Variants in ROCK1 observed in about 807,000 individuals in gnomAD.
The protein encoded by ROCK1 is rho-associated protein kinase 1.
In ROCK1, 36 loss-of-function variants were observed where a neutral mutation model predicts 196.8. That is an observed-to-expected ratio of 0.18 (90% CI 0.14 to 0.24). The LOEUF is 0.24. ROCK1 is among the 10% of genes least tolerant of loss of function. The pLI, the probability that ROCK1 is intolerant of heterozygous loss-of-function variation, is 1.00. For synonymous variants in ROCK1, 443 were observed against 515.9 expected, an observed-to-expected ratio of 0.86 and a Z score of 1.91; for missense variants, 920 against 1,562.0, an observed-to-expected ratio of 0.59 and a Z score of 6.93.
At chr18:21,020,555 T>A (rs1197724370) in intron 11 of ROCK1, among the ~76,000 whole-genome samples, 1 of 152,092 alleles carries the variant, frequency 6.6e-6, no homozygotes, top group Non-Finnish European at 1.5e-5. Flanking sequence ...ACACAAAATA[T>A]TACAATAGAC....
rs1486773204 is a variant in ROCK1 at position 20,969,193 on chromosome 18, T to C, written c.2836A>G (p.Ser946Gly). The C allele has an allele frequency of 2.5e-6, 4 of 1,599,748 alleles. No homozygotes were observed. The highest frequency in any genetic ancestry group is 3.4e-6 in the Non-Finnish European group (4 of 1,175,368). Residue 946 changes from serine (S) to glycine (G), a missense_variant, in exon 24 of 33, where the codon AGC becomes GGC. By Grantham distance (56) the Ser-to-Gly change is moderately conservative (BLOSUM62 0). Coordinates refer to ENST00000399799, the MANE Select transcript of ROCK1 (RefSeq NM_005406.3). ...ATTTCAATATCTTTGGTTAGCATGCTGTTTGCTTCTTCAAGCTAAACAAAG... is the reference window on the plus strand; with the variant it reads ...ATTTCAATATCTTTGGTTAGCATGCCGTTTGCTTCTTCAAGCTAAACAAAG... ...HTVSRLEEANSMLTKDIEILR... is the reference protein window; with the variant it reads ...HTVSRLEEANGMLTKDIEILR...
intron 1 of ROCK1, among the ~76,000 whole-genome samples, chr18:21,108,010 G>A (rs1402310134): frequency 1.3e-5 from 2 of 151,702 alleles, no homozygotes; most frequent in African/African-American, 2.4e-5. Flanking sequence ...AGCCAAGATC[G>A]CGCCACTGCA....
chr18:20,952,456 A>G (rs1379251121), intron 32 of ROCK1, among the ~76,000 whole-genome samples: 1 of 151,806 alleles, frequency 6.6e-6, no homozygotes, highest in Non-Finnish European at 1.5e-5. Flanking sequence ...CATGGCATAA[A>G]ACATATTTTT....
chr18:21,014,952 T>C (rs750797087), intron 13 of ROCK1, among the ~76,000 whole-genome samples: 1 of 152,240 alleles, frequency 6.6e-6, no homozygotes, highest in Non-Finnish European at 1.5e-5. Context: ...TTGTTATTGT[T>C]TCTCTGATAA....
intron 2 of ROCK1, among the ~76,000 whole-genome samples, chr18:21,068,096 T>C (rs1568400495): frequency 6.6e-6 from 1 of 152,258 alleles, no homozygotes; most frequent in Non-Finnish European, 1.5e-5. Context: ...TTTATCCTTT[T>C]TCAAAAATGG....
chr18:21,011,359 T>A (rs1230552199), intron 13 of ROCK1, among the ~76,000 whole-genome samples: 1 of 152,226 alleles, frequency 6.6e-6, no homozygotes. Flanking sequence ...AGATATTACA[T>A]TGTATATGCA....
intron 16 of ROCK1, among the ~76,000 whole-genome samples, chr18:20,998,027 G>A (rs980360473): frequency 1.3e-5 from 2 of 152,040 alleles, no homozygotes; most frequent in African/African-American, 4.8e-5. Flanking sequence ...AGTAGAGACA[G>A]GGTTTCACCA....
At chr18:20,991,791 C>T (rs1355507581) in intron 17 of ROCK1, among the ~76,000 whole-genome samples, 1 of 151,830 alleles carries the variant, frequency 6.6e-6, no homozygotes, top group Non-Finnish European at 1.5e-5. Flanking sequence ...TATGCCACCA[C>T]ACCTGGCTAA....
chr18:21,041,714 T>G (rs1277113755), intron 8 of ROCK1, among the ~76,000 whole-genome samples: 1 of 152,134 alleles, frequency 6.6e-6, no homozygotes, highest in African/African-American at 2.4e-5. Context: ...TTTATACCAC[T>G]ATGAAAAAGG....
chr18:20,955,421 A>G, intron 29 of ROCK1, 176 bp from the exon 30 acceptor site: 1 of 817,604 alleles, frequency 1.2e-6, no homozygotes, highest in Non-Finnish European at 1.8e-6. Context: ...TATCAGAGTT[A>G]AAAAAAATAA....
chr18:20,973,273 G>T (rs540307202), intron 22 of ROCK1, among the ~76,000 whole-genome samples: 1 of 151,894 alleles, frequency 6.6e-6, no homozygotes, highest in African/African-American at 2.4e-5. Flanking sequence ...AAAGATAAGA[G>T]AATTGTTGGA....
intron 1 of ROCK1, among the ~76,000 whole-genome samples, chr18:21,080,903 G>A (rs1256612707): frequency 6.6e-6 from 1 of 151,956 alleles, no homozygotes; most frequent in Non-Finnish European, 1.5e-5. Flanking sequence ...GAAATACATA[G>A]TTCTACAAAT....
intron 2 of ROCK1, among the ~76,000 whole-genome samples, chr18:21,055,017 T>C (rs2036235097): frequency 6.6e-6 from 1 of 152,306 alleles, no homozygotes; most frequent in African/African-American, 2.4e-5. Flanking sequence ...CTCGTTGCAC[T>C]GATAGCCTCT....
chr18:20,977,649 C>T (rs2035492787), intron 22 of ROCK1, among the ~76,000 whole-genome samples: 1 of 152,134 alleles, frequency 6.6e-6, no homozygotes, highest in African/African-American at 2.4e-5. Flanking sequence ...ACTGGTGATC[C>T]ATATATTTGT....
chr18:20,998,083 C>T (rs867634101), intron 16 of ROCK1, among the ~76,000 whole-genome samples: 13 of 152,016 alleles, frequency 8.6e-5, no homozygotes, highest in Non-Finnish European at 1.8e-4. Flanking sequence ...GTGATCCACC[C>T]GCCTCGGCCT....
chr18:21,060,991 T>C (rs753734917), intron 2 of ROCK1, among the ~76,000 whole-genome samples: 1 of 151,126 alleles, frequency 6.6e-6, no homozygotes, highest in African/African-American at 2.4e-5. Context: ...ATCCATTCAA[T>C]AGAAGGTTGC....
chr18:21,008,505 T>A (rs1460165494), intron 13 of ROCK1, among the ~76,000 whole-genome samples: 6 of 152,218 alleles, frequency 3.9e-5, no homozygotes, highest in Admixed American at 3.9e-4. Context: ...ACTCTTGACC[T>A]CAGGTGATCC....
At chr18:21,060,800 T>C (rs527402987) in intron 2 of ROCK1, among the ~76,000 whole-genome samples, 18 of 145,050 alleles carry the variant, frequency 1.2e-4, no homozygotes, top group Admixed American at 4.9e-4. Context: ...GATTGTGCCA[T>C]TGCACTCCAG....
chr18:20,962,544 TAACCTGCC>T (rs2035336946), intron 27 of ROCK1, among the ~76,000 whole-genome samples: 1 of 152,184 alleles, frequency 6.6e-6, no homozygotes, highest in South Asian at 2.1e-4. Context: ...AGATGTGGGT[TAACCTGCC>T]AGTTTTAATA....
Sources: gnomAD v4.1 joint callset for allele counts (sites outside exome capture counted in the v4.1 genomes callset) on GRCh38, gnomAD v4.1.1 for gene constraint, MANE v1.5 for transcripts, NCBI Gene and HGNC (gene_info 2026-07-23, HGNC 2026-07-21) for gene names.